Variants in FER1L6 observed in about 807,000 individuals in gnomAD.
FER1L6 encodes the protein fer-1-like protein 6.
FER1L6 carries 177 observed loss-of-function variants against 219.2 expected under a neutral mutation model. The observed-to-expected ratio is 0.81, with a 90% CI of 0.71 to 0.91. The LOEUF is 0.91. Among genes scored for constraint, FER1L6 ranks in the 40% least tolerant of loss-of-function variants. The pLI, the probability that FER1L6 is intolerant of heterozygous loss-of-function variation, is 0.00. For missense variants in FER1L6, 2,153 were observed against 2,259.9 expected (o/e 0.95, Z 0.96); for synonymous variants, 768 against 824.3 (o/e 0.93, Z 1.17).
At chr8:124,102,520 C>T (rs906999485) in intron 38 of FER1L6, among the ~76,000 whole-genome samples, 1 of 152,048 alleles carries the variant, frequency 6.6e-6, no homozygotes, top group Non-Finnish European at 1.5e-5. Flanking sequence ...CATGTTTTTG[C>T]CCATGTATAT....
intron 31 of FER1L6, among the ~76,000 whole-genome samples, chr8:124,073,417 T>C (rs1243032053): frequency 6.6e-6 from 1 of 152,190 alleles, no homozygotes; most frequent in East Asian, 1.9e-4. Flanking sequence ...GTCAATACTT[T>C]TCATTGATAT....
intron 22 of FER1L6, 123 bp from the exon 23 acceptor site, chr8:124,060,057 T>A (rs1820486573): frequency 1.4e-6 from 1 of 711,056 alleles, no homozygotes; most frequent in African/African-American, 1.8e-5. Flanking sequence ...CCTTGTATTT[T>A]AAGCTGGAAA....
intron 31 of FER1L6, among the ~76,000 whole-genome samples, chr8:124,075,630 T>C (rs1315427532): frequency 6.6e-6 from 1 of 152,254 alleles, no homozygotes; most frequent in African/African-American, 2.4e-5. Flanking sequence ...TTATATACTA[T>C]ACATGATTGT....
intron 5 of FER1L6, among the ~76,000 whole-genome samples, chr8:123,968,910 T>C (rs1815674924): frequency 6.6e-6 from 1 of 152,204 alleles, no homozygotes; most frequent in African/African-American, 2.4e-5. Context: ...TCTTCCACTC[T>C]ACAGCTCAAA....
chr8:124,016,863 G>T (rs1818224428), intron 15 of FER1L6, among the ~76,000 whole-genome samples: 1 of 151,934 alleles, frequency 6.6e-6, no homozygotes, highest in East Asian at 1.9e-4. Flanking sequence ...AATTATTTTT[G>T]AAGGGTAAGA....
At chr8:124,068,570 A>T (rs1318651660) in intron 28 of FER1L6, among the ~76,000 whole-genome samples, 23 of 152,218 alleles carry the variant, frequency 1.5e-4, no homozygotes, top group Admixed American at 1.5e-3. Context: ...GACCCTTAGG[A>T]TATTTGAGCC....
intron 5 of FER1L6, among the ~76,000 whole-genome samples, chr8:123,969,401 A>G (rs1399900574): frequency 1.3e-5 from 2 of 152,182 alleles, no homozygotes; most frequent in African/African-American, 4.8e-5. Flanking sequence ...TTAAAACCAT[A>G]CTGAAGTACC....
chr8:123,879,548 G>A (rs541965283), intron 1 of FER1L6, among the ~76,000 whole-genome samples: 5 of 152,052 alleles, frequency 3.3e-5, no homozygotes, highest in South Asian at 2.1e-4. Flanking sequence ...GATGGTCTCC[G>A]TCTCCTGACC....
intron 2 of FER1L6, among the ~76,000 whole-genome samples, chr8:123,956,731 G>A (rs1815039597): frequency 6.6e-6 from 1 of 152,198 alleles, no homozygotes; most frequent in African/African-American, 2.4e-5. Flanking sequence ...CTGAGCTTAG[G>A]GTCCTTTATG....
intron 1 of FER1L6, among the ~76,000 whole-genome samples, chr8:123,855,708 TACACAC>T (rs140178078): frequency 0.16 from 23,103 of 142,790 alleles, 1,991 homozygotes; most frequent in East Asian, 0.39. Context: ...TGTGTATATG[TACACAC>T]ACACACACAC....
intron 20 of FER1L6, among the ~76,000 whole-genome samples, chr8:124,041,733 A>G (rs560546694): frequency 6.6e-6 from 1 of 152,354 alleles, no homozygotes; most frequent in East Asian, 1.9e-4. Context: ...TCATTCAGTG[A>G]CTGAGCATAA....
intron 2 of FER1L6, among the ~76,000 whole-genome samples, chr8:123,960,370 C>CA (rs1474385313): frequency 1.3e-5 from 2 of 152,168 alleles, no homozygotes; most frequent in Non-Finnish European, 2.9e-5. Context: ...ACAATCTCAA[C>CA]ATTCAGCAAC....
rs190021164 is a variant in FER1L6 at position 124,041,870 on chromosome 8, A to G, written c.2589+1864A>G. On this transcript the variant is annotated intron_variant, in intron 20 of 40. Transcript: ENST00000522917. ...CAAAATCCACGCTCTTCCATTTATCAGCTGTGTGACTCTAAACAAACCTCT... is the reference window on the plus strand; with the variant it reads ...CAAAATCCACGCTCTTCCATTTATCGGCTGTGTGACTCTAAACAAACCTCT... Among the ~76,000 whole-genome samples the G allele has an allele frequency of 1.1e-3, 161 of 152,348 alleles. 1 individual carries two copies. Among genetic ancestry groups the G allele is most frequent in the Middle Eastern group, 3.4e-3 (1 of 294 alleles).
intron 18 of FER1L6, 41 bp from the exon 19 acceptor site, chr8:124,035,236 C>T: frequency 6.3e-7 from 1 of 1,587,676 alleles, no homozygotes; most frequent in Non-Finnish European, 8.6e-7. Context: ...CTATAATTAT[C>T]TCCTACTAAT....
At chr8:123,906,748 C>A (rs1264849591) in intron 1 of FER1L6, among the ~76,000 whole-genome samples, 1 of 150,832 alleles carries the variant, frequency 6.6e-6, no homozygotes, top group Non-Finnish European at 1.5e-5. Context: ...TGCAGTGAAC[C>A]AAGATCACGC....
intron 21 of FER1L6, 119 bp from the exon 22 acceptor site, chr8:124,049,488 T>A (rs1022260278): frequency 9.5e-6 from 11 of 1,152,386 alleles, no homozygotes; most frequent in Non-Finnish European, 1.2e-5. Context: ...GAGAAAAGAG[T>A]GAGACATGGA....
chr8:124,035,486 C>A, intron 19 of FER1L6, 32 bp downstream of exon 19: 12 of 1,586,502 alleles, frequency 7.6e-6, no homozygotes, highest in East Asian at 2.3e-5. Flanking sequence ...GAGGGTCATT[C>A]GAGGTCTCAG....
intron 33 of FER1L6, among the ~76,000 whole-genome samples, chr8:124,083,302 G>A (rs893820105): frequency 3.3e-5 from 5 of 152,102 alleles, no homozygotes; most frequent in African/African-American, 1.2e-4. Context: ...ATCTCCATGA[G>A]TTCAAGTGTT....
intron 1 of FER1L6, among the ~76,000 whole-genome samples, chr8:123,882,278 C>T (rs779919359): frequency 3.3e-5 from 5 of 151,986 alleles, no homozygotes; most frequent in South Asian, 2.1e-4. Context: ...AGCAAAGTAG[C>T]GAGCCAAAAG....
Sources: allele counts gnomAD v4.1 joint callset (sites outside exome capture counted in the v4.1 genomes callset), GRCh38; gene constraint gnomAD v4.1.1; transcripts MANE v1.5; gene names NCBI Gene and HGNC (gene_info 2026-07-23, HGNC 2026-07-21).